Variants in TMEM132D observed in about 807,000 individuals in gnomAD.
TMEM132D encodes mature OL transmembrane protein.
Under a neutral mutation model 62.3 loss-of-function variants are expected in TMEM132D, and 21 were observed. That is an observed-to-expected ratio of 0.34 (90% CI 0.24 to 0.49). The LOEUF (loss-of-function observed/expected upper bound fraction) is 0.49. Ranked by LOEUF, TMEM132D falls within the 20% of genes least tolerant of loss-of-function variation. TMEM132D has a pLI of 0.99. For synonymous variants in TMEM132D, 621 were observed against 575.6 expected, an observed-to-expected ratio of 1.08 and a Z score of -1.13; for missense variants, 1,346 against 1,402.8, an observed-to-expected ratio of 0.96 and a Z score of 0.65.
intron 1 of TMEM132D, among the ~76,000 whole-genome samples, chr12:129,875,056 A>G (rs1350638408): frequency 6.6e-6 from 1 of 152,278 alleles, no homozygotes; most frequent in Admixed American, 6.5e-5. Flanking sequence ...TGTAATTTCA[A>G]TAAGTAAATC....
At chr12:129,728,719 C>T (rs1371192335) in intron 1 of TMEM132D, among the ~76,000 whole-genome samples, 2 of 152,172 alleles carry the variant, frequency 1.3e-5, no homozygotes, top group African/African-American at 2.4e-5. Context: ...GTTTCCTTCA[C>T]CTGGTAAAGG....
At chr12:129,233,264 G>A (rs1202757272) in intron 4 of TMEM132D, among the ~76,000 whole-genome samples, 3 of 152,172 alleles carry the variant, frequency 2.0e-5, no homozygotes, top group South Asian at 2.1e-4. Flanking sequence ...CCCAGTATAC[G>A]CTATCATCAT....
chr12:129,664,335 T>A (rs567136678), intron 2 of TMEM132D, among the ~76,000 whole-genome samples: 49 of 152,250 alleles, frequency 3.2e-4, no homozygotes, highest in African/African-American at 1.1e-3. Context: ...TAGAACCAGA[T>A]TTGGTAGAAA....
intron 2 of TMEM132D, among the ~76,000 whole-genome samples, chr12:129,605,229 A>T (rs1878584022): frequency 1.3e-5 from 2 of 152,128 alleles, no homozygotes; most frequent in Admixed American, 6.5e-5. Context: ...AATGCTTGGG[A>T]CATGACGGGC....
intron 2 of TMEM132D, among the ~76,000 whole-genome samples, chr12:129,600,353 G>A (rs189357384): frequency 5.3e-5 from 8 of 152,226 alleles, no homozygotes; most frequent in Admixed American, 2.0e-4. Flanking sequence ...CCACACCTGC[G>A]GTGACTTCCT....
chr12:129,419,612 G>C (rs188887543), intron 3 of TMEM132D, among the ~76,000 whole-genome samples: 252 of 152,270 alleles, frequency 1.7e-3, no homozygotes, highest in Middle Eastern at 6.8e-3. Context: ...CTTCTCAGTT[G>C]CATAAGCTAA....
chr12:129,122,762 A>G (rs758030787), intron 5 of TMEM132D, among the ~76,000 whole-genome samples: 1 of 152,242 alleles, frequency 6.6e-6, no homozygotes, highest in Non-Finnish European at 1.5e-5. Context: ...TTTCTTTTGT[A>G]GTGAGAATTA....
intron 2 of TMEM132D, among the ~76,000 whole-genome samples, chr12:129,670,001 T>C (rs1452033273): frequency 1.3e-5 from 2 of 152,166 alleles, no homozygotes; most frequent in Non-Finnish European, 2.9e-5. Context: ...CCCTGTCGAC[T>C]GGAAGAAGCC....
chr12:129,473,155 G>A (rs948613848), intron 3 of TMEM132D, among the ~76,000 whole-genome samples: 4 of 151,416 alleles, frequency 2.6e-5, no homozygotes, highest in East Asian at 3.9e-4. Context: ...GAGCCACTGC[G>A]CCCAGCCAAG....
At chr12:129,517,372 C>T (rs1358466253) in intron 3 of TMEM132D, among the ~76,000 whole-genome samples, 1 of 152,108 alleles carries the variant, frequency 6.6e-6, no homozygotes, top group Non-Finnish European at 1.5e-5. Context: ...AAATGTGATG[C>T]ATTAGTACTC....
At chr12:129,291,495 G>A (rs910544121) in intron 4 of TMEM132D, among the ~76,000 whole-genome samples, 1 of 152,132 alleles carries the variant, frequency 6.6e-6, no homozygotes, top group Non-Finnish European at 1.5e-5. Context: ...ATTAAACTGA[G>A]ACCGAGTCCT....
intron 2 of TMEM132D, among the ~76,000 whole-genome samples, chr12:129,677,822 T>C (rs893517520): frequency 3.0e-5 from 4 of 133,852 alleles, no homozygotes; most frequent in Non-Finnish European, 4.8e-5. Flanking sequence ...AATTTTCTAG[T>C]GATTTTGTCT....
intron 4 of TMEM132D, among the ~76,000 whole-genome samples, chr12:129,237,872 T>G (rs1285329335): frequency 6.6e-6 from 1 of 152,076 alleles, no homozygotes; most frequent in Non-Finnish European, 1.5e-5. Flanking sequence ...CCCAGCTACT[T>G]GGGAGGCTGA....
At chr12:129,542,680 A>G (rs547455137) in intron 2 of TMEM132D, among the ~76,000 whole-genome samples, 1 of 152,274 alleles carries the variant, frequency 6.6e-6, no homozygotes, top group East Asian at 1.9e-4. Flanking sequence ...GTTATACTAC[A>G]TATATGTATA....
Position 129,779,759 on chromosome 12 carries a change from G to T in TMEM132D, c.80-79061C>A, listed in dbSNP as rs1004686180. Reference sequence around the variant, plus strand: ...TACTTATGGTTTATTCTGGGAACAGGATTTAAGGGGTCGCCTCCCCACTCA... The same window carrying T: ...TACTTATGGTTTATTCTGGGAACAGTATTTAAGGGGTCGCCTCCCCACTCA... On this transcript the variant is annotated intron_variant, in intron 1 of 8. Transcript: ENST00000422113. The surrounding 1 kb of genome is among the most constrained non-coding windows in gnomAD (Gnocchi z 4.1). Among the ~76,000 whole-genome samples, 4 of 152,084 alleles carry T rather than the reference G, an allele frequency of 2.6e-5. No individual in the cohort carries two copies. The highest frequency in any genetic ancestry group is 5.9e-5 in the Non-Finnish European group (4 of 68,012).
chr12:129,456,227 G>A (rs1257848365), intron 3 of TMEM132D, among the ~76,000 whole-genome samples: 2 of 152,102 alleles, frequency 1.3e-5, no homozygotes, highest in African/African-American at 4.8e-5. Context: ...AACTTTAGTG[G>A]TCCTTTCTCA....
Position 129,838,953 on chromosome 12 carries a change from C to CTTT in TMEM132D, c.79+64305_79+64307dup, listed in dbSNP as rs576777558. Among the ~76,000 whole-genome samples the CTTT allele has an allele frequency of 1.7e-4, 22 of 133,206 alleles. 1 individual carries two copies. The highest frequency in any genetic ancestry group is 4.4e-4 in the African/African-American group (16 of 36,180). The allele number at this position is 133,206 out of a possible 152,430, so 87.4% of individuals were successfully genotyped here. ...AATAGGAACTTTTAAACTTAAAACT[C>CTTT]TTTTTTTTTTTTTTTTGAGACGAAG... On this transcript the variant is annotated intron_variant, in intron 1 of 8. Coordinates refer to ENST00000422113, the MANE Select transcript of TMEM132D (RefSeq NM_133448.3).
intron 3 of TMEM132D, among the ~76,000 whole-genome samples, chr12:129,518,211 A>G (rs1437140771): frequency 1.3e-5 from 2 of 152,236 alleles, no homozygotes; most frequent in Admixed American, 1.3e-4. Context: ...TAAGAACAAT[A>G]GAAGAATCAA....
intron 3 of TMEM132D, among the ~76,000 whole-genome samples, chr12:129,466,289 T>C (rs866363131): frequency 0.25 from 529 of 2,134 alleles, 6 homozygotes; most frequent in African/African-American, 0.35. Flanking sequence ...CTTTTTTTTT[T>C]TTTTTTTTTT....
Sources: gnomAD v4.1 joint callset for allele counts (sites outside exome capture counted in the v4.1 genomes callset) on GRCh38, gnomAD v4.1.1 for gene constraint, Gnocchi (gnomAD v3.1) non-coding constraint, MANE v1.5 for transcripts, NCBI Gene and HGNC (gene_info 2026-07-23, HGNC 2026-07-21) for gene names.